The following ADAM12 variants were observed in gnomAD, a reference collection of about 807,000 sequenced individuals.
ADAM12 encodes disintegrin and metalloproteinase domain-containing protein 12.
In ADAM12, 70 loss-of-function variants were observed where a neutral mutation model predicts 106.4. That is an observed-to-expected ratio of 0.66 (90% CI 0.54 to 0.80). The LOEUF (loss-of-function observed/expected upper bound fraction) is 0.80. ADAM12 is among the 30% of genes least tolerant of loss of function. The probability of loss-of-function intolerance (pLI) is 0.00; values close to 1 mark genes in which losing one functional copy is unlikely to be tolerated. For synonymous variants in ADAM12, 420 were observed against 433.5 expected (o/e 0.97, Z 0.39); for missense variants, 1,010 against 1,171.9 (o/e 0.86, Z 2.02).
intron 2 of ADAM12, among the ~76,000 whole-genome samples, chr10:126,296,701 T>A (rs763359559): frequency 5.9e-5 from 9 of 152,226 alleles, no homozygotes; most frequent in Non-Finnish European, 1.0e-4. Context: ...TCCATTTCTG[T>A]ACCTTCAAGG....
At chr10:126,173,485 C>A (rs886543073) in intron 3 of ADAM12, among the ~76,000 whole-genome samples, 1 of 152,136 alleles carries the variant, frequency 6.6e-6, no homozygotes, top group South Asian at 2.1e-4. Context: ...GCCTCCACCC[C>A]CAAGATGCCG....
In ADAM12 at chr10:126,168,477, C is replaced by T. The variant is rs538131434; in HGVS notation, c.261-13172G>A. Among the ~76,000 whole-genome samples, 6 of 152,106 alleles carry T rather than the reference C, an allele frequency of 3.9e-5. No homozygotes were observed. In the South Asian group the frequency reaches 1.2e-3, roughly 32 times the overall value. ...TATATGCTATAGATGATAAACATGC[C>T]GAACCCATATTATGTACTCAGCAAA... On this transcript the variant is annotated intron_variant, in intron 3 of 22. Coordinates refer to ENST00000448723, the MANE Select transcript of ADAM12 (RefSeq NM_001288973.2).
intron 12 of ADAM12, among the ~76,000 whole-genome samples, chr10:126,067,227 A>G (rs1044395623): frequency 1.3e-5 from 2 of 152,246 alleles, no homozygotes; most frequent in Non-Finnish European, 2.9e-5. Flanking sequence ...CTCTTCAAAA[A>G]TGAACCTTTT....
At position 126,241,789 on chromosome 10, in the gene ADAM12, T is replaced by C. The variant is rs115521814; in HGVS notation, c.260+37126A>G. On this transcript the variant is annotated intron_variant, in intron 3 of 22. Coordinates refer to ENST00000448723, the MANE Select transcript of ADAM12 (RefSeq NM_001288973.2). ...AAATGACATGTGCATGGGATAAATA[T>C]AAGCAGCAGATGCTTAATAAATGGT... Among the ~76,000 whole-genome samples, 101 of 152,350 alleles carry C rather than the reference T, an allele frequency of 6.6e-4. 1 individual carries two copies. Among genetic ancestry groups the C allele is most frequent in the African/African-American group, 2.2e-3 (93 of 41,580 alleles).
At chr10:126,041,575 T>A (rs4732) in intron 18 of ADAM12, 877,554 of 985,852 alleles carry the variant, frequency 0.89, 391,115 homozygotes, top group African/African-American at 0.97. Context: ...GTTTGTTTCA[T>A]TGCCATTCAG....
intron 9 of ADAM12, 29 bp from the exon 10 acceptor site, chr10:126,098,529 A>G (rs1955599769): frequency 6.4e-7 from 1 of 1,569,794 alleles, no homozygotes; most frequent in African/African-American, 1.4e-5. Flanking sequence ...GACTTTCTTT[A>G]ATCAAATTAG....
At chr10:126,284,226 G>T (rs892967068) in intron 2 of ADAM12, among the ~76,000 whole-genome samples, 2 of 151,100 alleles carry the variant, frequency 1.3e-5, no homozygotes, top group Non-Finnish European at 2.9e-5. Flanking sequence ...CTAGCTACTC[G>T]GGAGGCTGAG....
chr10:126,019,633 G>T, intron 22 of ADAM12, 62 bp downstream of exon 22: 1 of 1,581,440 alleles, frequency 6.3e-7, no homozygotes, highest in Admixed American at 1.7e-5. Context: ...GCTTGGATTA[G>T]TCGTGGTTGG....
chr10:126,268,951 A>G (rs1469012053), intron 3 of ADAM12, among the ~76,000 whole-genome samples: 1 of 152,216 alleles, frequency 6.6e-6, no homozygotes, highest in East Asian at 1.9e-4. Flanking sequence ...AAGCAAGTTT[A>G]TTAAGAAAGT....
intron 21 of ADAM12, among the ~76,000 whole-genome samples, chr10:126,030,496 A>G (rs1953953512): frequency 6.6e-6 from 1 of 152,338 alleles, no homozygotes; most frequent in East Asian, 1.9e-4. Context: ...ATTTTTAATT[A>G]TAGGCCTATA....
chr10:126,112,765 A>G (rs1179792667), intron 6 of ADAM12, among the ~76,000 whole-genome samples: 1 of 152,164 alleles, frequency 6.6e-6, no homozygotes, highest in Non-Finnish European at 1.5e-5. Flanking sequence ...TGCTGTTTGC[A>G]CTAGGCCCTG....
intron 1 of ADAM12, among the ~76,000 whole-genome samples, chr10:126,371,512 G>A (rs1175311572): frequency 5.3e-5 from 8 of 152,180 alleles, no homozygotes; most frequent in African/African-American, 1.9e-4. Flanking sequence ...ACGTTTTGCT[G>A]TAAATTGGGA....
At chr10:126,379,526 C>T (rs1856417952) in intron 1 of ADAM12, among the ~76,000 whole-genome samples, 1 of 152,140 alleles carries the variant, frequency 6.6e-6, no homozygotes, top group Admixed American at 6.5e-5. Context: ...GAACATCACA[C>T]ACTGGGGCGC....
intron 5 of ADAM12, among the ~76,000 whole-genome samples, chr10:126,118,774 C>G (rs753953813): frequency 6.6e-6 from 1 of 152,198 alleles, no homozygotes; most frequent in Non-Finnish European, 1.5e-5. Context: ...TGGCCTCCCC[C>G]TTCTGAGTCT....
At chr10:126,040,504 C>T (rs1954141451) in intron 18 of ADAM12, among the ~76,000 whole-genome samples, 1 of 152,178 alleles carries the variant, frequency 6.6e-6, no homozygotes, top group South Asian at 2.1e-4. Context: ...TTTCTGGACC[C>T]CATCCCCCAC....
chr10:126,060,595 A>G (rs1954733390), intron 14 of ADAM12, among the ~76,000 whole-genome samples: 1 of 152,198 alleles, frequency 6.6e-6, no homozygotes, highest in Non-Finnish European at 1.5e-5. Flanking sequence ...CAAACTTGAC[A>G]ATAAGTTTTC....
intron 5 of ADAM12, among the ~76,000 whole-genome samples, chr10:126,121,156 C>G (rs1186339597): frequency 2.1e-3 from 66 of 31,582 alleles, no homozygotes; most frequent in African/African-American, 7.2e-3. Flanking sequence ...ACTATATATA[C>G]TATATATACT....
At chr10:126,343,702 C>T (rs1246726133) in intron 1 of ADAM12, among the ~76,000 whole-genome samples, 2 of 152,152 alleles carry the variant, frequency 1.3e-5, no homozygotes, top group Non-Finnish European at 2.9e-5. Flanking sequence ...TGTTTCCCGA[C>T]TTTTTAATGA....
intron 1 of ADAM12, among the ~76,000 whole-genome samples, chr10:126,386,128 G>A (rs533282064): frequency 4.8e-4 from 73 of 152,258 alleles, no homozygotes; most frequent in Non-Finnish European, 9.4e-4. Flanking sequence ...GTCAGCACAA[G>A]GCATGTGGAG....
Sources: allele counts gnomAD v4.1 joint callset (sites outside exome capture counted in the v4.1 genomes callset), GRCh38; gene constraint gnomAD v4.1.1; transcripts MANE v1.5; gene names NCBI Gene and HGNC (gene_info 2026-07-23, HGNC 2026-07-21).